VTI1B: variants seen among roughly 807,000 people sequenced by gnomAD.
The protein encoded by VTI1B is vesicle transport through interaction with t-SNAREs 1B, also known as vesicle transport through interaction with t-SNAREs homolog 1B.
In VTI1B, 18 loss-of-function variants were observed where a neutral mutation model predicts 28.6. The observed-to-expected ratio is 0.63, with a 90% CI of 0.43 to 0.93. The LOEUF (loss-of-function observed/expected upper bound fraction) is 0.93. Ranked by LOEUF, VTI1B falls within the 40% of genes least tolerant of loss-of-function variation. The pLI is 0.00. For synonymous variants in VTI1B, 100 were observed against 107.9 expected (o/e 0.93, Z 0.46); for missense variants, 283 against 297.0 (o/e 0.95, Z 0.35).
chr14:67,658,973 T>C (rs1311694128), intron 3 of VTI1B, among the ~76,000 whole-genome samples: 2 of 152,244 alleles, frequency 1.3e-5, no homozygotes, highest in Non-Finnish European at 2.9e-5. Context: ...TCCATTTCTC[T>C]GCCATGCTAC....
chr14:67,668,305 G>A (rs1320734508), intron 1 of VTI1B, among the ~76,000 whole-genome samples: 1 of 152,158 alleles, frequency 6.6e-6, no homozygotes, highest in Admixed American at 6.5e-5. Context: ...GTAAAACCAA[G>A]AGTAGAAATT....
chr14:67,655,059 G>T (rs1283639247), intron 4 of VTI1B, among the ~76,000 whole-genome samples: 1 of 129,742 alleles, frequency 7.7e-6, no homozygotes, highest in East Asian at 2.3e-4. Flanking sequence ...AAAAATTCCA[G>T]CTGGGCACAG....
At position 67,674,385 on chromosome 14, in the gene VTI1B, C is replaced by T; in HGVS notation, c.105G>A (p.Thr35=). ...LQGVPERLLG[T]AGTEEKKKLI... ...CCACCCCCGCCTCACCGGTCCCCGC[C>T]GTCCCCAGCAGCCGCTCGGGCACCC... The change falls in exon 1 of 6, where the codon ACG becomes ACA. Residue 35 remains threonine (T), a synonymous_variant. Transcript: ENST00000554659. The T allele has an allele frequency of 6.3e-7, 1 of 1,597,864 alleles. No homozygotes were observed. Among genetic ancestry groups the T allele is most frequent in the African/African-American group, 1.3e-5 (1 of 74,170 alleles).
chr14:67,647,091 G>A lies in VTI1B; in HGVS notation c.*4294C>T, dbSNP rs902058986. ...GCAACACACTTTTAGCCTGTTTCTT[G>A]AGGACAGCAGCTTTACTTTTAAAAT... On this transcript the variant is annotated 3_prime_UTR_variant, in exon 6 of 6. Transcript: ENST00000554659. 15 of 1,014,730 alleles carry A rather than the reference G, an allele frequency of 1.5e-5. No homozygotes were observed. The highest frequency in any genetic ancestry group is 1.4e-4 in the South Asian group (10 of 73,632). The allele number at this position is 1,014,730 out of a possible 1,614,324, so 62.9% of individuals were successfully genotyped here.
In VTI1B at chr14:67,649,615, A is replaced by G. The variant is rs1232075603; in HGVS notation, c.*1770T>C. 1 of 152,218 alleles carries G rather than the reference A, an allele frequency of 6.6e-6. No homozygotes were observed. The highest frequency in any genetic ancestry group is 1.9e-4 in the East Asian group (1 of 5,198). The allele number at this position is 152,218 out of a possible 1,614,324, so 9.4% of individuals were successfully genotyped here. The stretch of plus-strand genomic sequence containing the variant: ...AGAGACAAATCAGGAACACAGGTCC[A>G]TGTGCAGGAAATGATGGAAATGCTA... On this transcript the variant is annotated 3_prime_UTR_variant, in exon 6 of 6. Transcript: ENST00000554659.
chr14:67,655,746 C>A (rs1213922518), intron 4 of VTI1B, among the ~76,000 whole-genome samples: 17 of 152,174 alleles, frequency 1.1e-4, no homozygotes. Flanking sequence ...AGCTTTGAAT[C>A]CTTAAGTGCC....
chr14:67,663,414 C>A (rs1477618358), intron 1 of VTI1B, among the ~76,000 whole-genome samples: 1 of 152,066 alleles, frequency 6.6e-6, no homozygotes, highest in African/African-American at 2.4e-5. Flanking sequence ...TGACTCACGC[C>A]TGTAATCCCA....
chr14:67,665,283 C>G (rs1271498674), intron 1 of VTI1B, among the ~76,000 whole-genome samples: 1 of 123,232 alleles, frequency 8.1e-6, no homozygotes, highest in Non-Finnish European at 1.7e-5. Flanking sequence ...TTTTTTGAGA[C>G]AGTCTCACTC....
chr14:67,670,654 G>C (rs765857148), intron 1 of VTI1B, among the ~76,000 whole-genome samples: 27 of 151,822 alleles, frequency 1.8e-4, no homozygotes, highest in Non-Finnish European at 3.7e-4. Context: ...TCAGCCTCCT[G>C]AGTAGCTGGG....
At chr14:67,660,729 G>T (rs1335397201) in intron 2 of VTI1B, among the ~76,000 whole-genome samples, 2 of 152,126 alleles carry the variant, frequency 1.3e-5, no homozygotes, top group African/African-American at 4.8e-5. Flanking sequence ...TCCACAAGAG[G>T]CCCTAAATTA....
chr14:67,666,599 C>G (rs901696161), intron 1 of VTI1B, among the ~76,000 whole-genome samples: 1 of 152,206 alleles, frequency 6.6e-6, no homozygotes, highest in Non-Finnish European at 1.5e-5. Flanking sequence ...TGAGAGGGAT[C>G]AATAGCAGCT....
At chr14:67,655,075 C>T (rs905897055) in intron 4 of VTI1B, among the ~76,000 whole-genome samples, 3 of 146,614 alleles carry the variant, frequency 2.0e-5, no homozygotes, top group African/African-American at 7.6e-5. Context: ...CACAGTGGCT[C>T]ATGCCTGTAA....
At position 67,663,304 on chromosome 14, in the gene VTI1B, G is replaced by A. The variant is rs902352486; in HGVS notation, c.116-769C>T. ...ACTACAGGTTTTCCATCTAAAATAT[G>A]ATAGCAAGTTTCATTTTTAAATAAC... On this transcript the variant is annotated intron_variant, in intron 1 of 5. Coordinates refer to ENST00000554659, the MANE Select transcript of VTI1B (RefSeq NM_006370.3). The A allele has an allele frequency of 9.0e-6, 6 of 665,746 alleles. No individual in the cohort carries two copies. In the East Asian group the frequency reaches 1.8e-4, roughly 20 times the overall value. The allele number at this position is 665,746 out of a possible 1,614,324, so 41.2% of individuals were successfully genotyped here.
chr14:67,647,456 G>GA lies in VTI1B; in HGVS notation c.*3928dup, dbSNP rs1026989500. 1.3e-5 allele frequency: 2 copies of GA among 159,034 alleles called. No homozygotes were observed. The highest frequency in any genetic ancestry group is 2.7e-5 in the Non-Finnish European group (2 of 72,902). 9.9% of individuals were successfully genotyped at this position (159,034 alleles called of 1,614,324 possible). The stretch of plus-strand genomic sequence containing the variant: ...CAATACCAAGTCTTTACTTCTGGGT[G>GA]ATTAATGTCAGAATTGTTATCTGGT... On this transcript the variant is annotated 3_prime_UTR_variant, in exon 6 of 6. Transcript: ENST00000554659.
intron 1 of VTI1B, among the ~76,000 whole-genome samples, chr14:67,670,156 C>CTGTA (rs1369433394): frequency 6.6e-6 from 1 of 152,202 alleles, no homozygotes; most frequent in Non-Finnish European, 1.5e-5. Context: ...ACACAGTCCC[C>CTGTA]TGTACCCAGA....
At chr14:67,667,909 A>G (rs1340402448) in intron 1 of VTI1B, among the ~76,000 whole-genome samples, 1 of 152,116 alleles carries the variant, frequency 6.6e-6, no homozygotes, top group African/African-American at 2.4e-5. Flanking sequence ...GCGCCACTGC[A>G]CTCCAGCCTG....
rs114523358 is a variant in VTI1B at position 67,651,469 on chromosome 14, G to A, written c.615C>T (p.Asn205=). 4.3e-6 allele frequency: 7 copies of A among 1,613,834 alleles called. No homozygotes were observed. In the African/African-American group the frequency reaches 8.0e-5, roughly 18 times the overall value. Residue 205 remains asparagine (N), a synonymous_variant, in exon 6 of 6, where the codon AAC becomes AAT. Coordinates refer to ENST00000554659, the MANE Select transcript of VTI1B (RefSeq NM_006370.3). The part of the protein sequence containing the change: ...LRSMSRKVTT[N]KLLLSIIILL... The stretch of plus-strand genomic sequence containing the variant: ...AGATGATAATGGAAAGCAGCAGCTT[G>A]TTGGTTGTCACTCTACAAAGAGAAG...
chr14:67,664,369 T>C (rs1007033889), intron 1 of VTI1B, among the ~76,000 whole-genome samples: 6 of 152,226 alleles, frequency 3.9e-5, no homozygotes, highest in Non-Finnish European at 7.3e-5. Flanking sequence ...GTTTAGCTTA[T>C]TTCACTTAGC....
At chr14:67,654,457 A>C (rs879270349) in intron 4 of VTI1B, among the ~76,000 whole-genome samples, 6 of 152,050 alleles carry the variant, frequency 3.9e-5, no homozygotes, top group Non-Finnish European at 8.8e-5. Flanking sequence ...AAATTCAACC[A>C]ATCTACCTGG....
Sources: allele counts gnomAD v4.1 joint callset (sites outside exome capture counted in the v4.1 genomes callset), GRCh38; gene constraint gnomAD v4.1.1; transcripts MANE v1.5; gene names NCBI Gene and HGNC (gene_info 2026-07-23, HGNC 2026-07-21).